The following MCTP1 variants were observed in gnomAD, a reference collection of about 807,000 sequenced individuals.
The protein encoded by MCTP1 is multiple C2 and transmembrane domain-containing protein 1.
A neutral mutation model predicts 120.6 loss-of-function variants in MCTP1; 69 were observed. That is an observed-to-expected ratio of 0.57 (90% CI 0.47 to 0.70). The LOEUF (loss-of-function observed/expected upper bound fraction) is 0.70, where lower values mean the gene tolerates loss of function less well. Ranked by LOEUF, MCTP1 falls within the 30% of genes least tolerant of loss-of-function variation. The pLI is 0.00. For missense variants in MCTP1, 1,203 were observed against 1,248.8 expected (o/e 0.96, Z 0.55); for synonymous variants, 529 against 493.1 (o/e 1.07, Z -0.96).
chr5:95,211,558 T>C (rs1036761769), intron 1 of MCTP1, among the ~76,000 whole-genome samples: 14 of 152,194 alleles, frequency 9.2e-5, no homozygotes, highest in Admixed American at 2.6e-4. Context: ...GTATTGGTTA[T>C]TCTAGTTATA....
intron 1 of MCTP1, among the ~76,000 whole-genome samples, chr5:95,191,959 C>T (rs1018460769): frequency 1.3e-5 from 2 of 151,854 alleles, no homozygotes; most frequent in South Asian, 2.1e-4. Context: ...TCTTCCTTAC[C>T]TCCCAATTGT....
chr5:94,913,152 A>G (rs552235511), intron 8 of MCTP1, among the ~76,000 whole-genome samples, 176 bp from the exon 9 acceptor site: 5 of 152,004 alleles, frequency 3.3e-5, no homozygotes, highest in African/African-American at 7.2e-5. Context: ...TAAATTATGA[A>G]ATTATCATTT....
At chr5:95,028,236 A>G (rs1301390629) in intron 1 of MCTP1, among the ~76,000 whole-genome samples, 1 of 152,220 alleles carries the variant, frequency 6.6e-6, no homozygotes, top group East Asian at 1.9e-4. Context: ...AGGTAGAAAC[A>G]AAACTGTCCC....
At chr5:95,085,629 T>C (rs1294690504) in intron 1 of MCTP1, among the ~76,000 whole-genome samples, 1 of 152,016 alleles carries the variant, frequency 6.6e-6, no homozygotes, top group Admixed American at 6.6e-5. Context: ...CGTGGGGTCA[T>C]ACGATATGCA....
chr5:95,242,364 G>T (rs1291081167), intron 1 of MCTP1, among the ~76,000 whole-genome samples: 2 of 151,992 alleles, frequency 1.3e-5, no homozygotes, highest in Non-Finnish European at 2.9e-5. Context: ...CTTTTTAAAG[G>T]TCACTTTTTG....
chr5:95,066,507 C>A (rs1286254343), intron 1 of MCTP1, among the ~76,000 whole-genome samples: 3 of 152,016 alleles, frequency 2.0e-5, no homozygotes, highest in Admixed American at 6.5e-5. Flanking sequence ...GGTATATATC[C>A]AAAGGAAATG....
At chr5:95,159,502 G>GC (rs1745484145) in intron 1 of MCTP1, among the ~76,000 whole-genome samples, 1 of 152,108 alleles carries the variant, frequency 6.6e-6, no homozygotes, top group African/African-American at 2.4e-5. Context: ...TTTGTGAAGT[G>GC]CCCATAATGC....
At chr5:95,119,034 G>A (rs1758015883) in intron 1 of MCTP1, among the ~76,000 whole-genome samples, 2 of 152,126 alleles carry the variant, frequency 1.3e-5, no homozygotes, top group African/African-American at 2.4e-5. Context: ...AGAACACATG[G>A]ACCTACCAGA....
chr5:95,006,249 A>T (rs760327346), intron 2 of MCTP1, among the ~76,000 whole-genome samples: 54 of 152,046 alleles, frequency 3.6e-4, no homozygotes, highest in Non-Finnish European at 6.8e-4. Context: ...GTATATACAC[A>T]CACATACACA....
At chr5:95,033,135 C>A (rs1463299238) in intron 1 of MCTP1, among the ~76,000 whole-genome samples, 1 of 151,838 alleles carries the variant, frequency 6.6e-6, no homozygotes, top group Non-Finnish European at 1.5e-5. Flanking sequence ...GCCCTCAATT[C>A]TACCAGATGC....
At chr5:95,252,514 A>G (rs1002972631) in intron 1 of MCTP1, among the ~76,000 whole-genome samples, 3 of 152,132 alleles carry the variant, frequency 2.0e-5, no homozygotes, top group Non-Finnish European at 4.4e-5. Flanking sequence ...TCTAAAGTAA[A>G]TGCTCTAAGA....
At position 94,779,131 on chromosome 5, in the gene MCTP1, T is replaced by C; in HGVS notation, c.2589A>G (p.Glu863=). ...VVEDMLEDEE[E]EDDKDDKDSE... ...TTACCTTGTCATCTTTGTCATCTTC[T>C]TCTTCCTCGTCCTCTAGCATGTCCT... Residue 863 remains glutamate (E), a synonymous_variant, in exon 19 of 23, where the codon GAA becomes GAG. Coordinates refer to ENST00000515393, the MANE Select transcript of MCTP1 (RefSeq NM_024717.7). The C allele has an allele frequency of 6.2e-7, 1 of 1,613,712 alleles. No individual in the cohort carries two copies. Among genetic ancestry groups the C allele is most frequent in the Non-Finnish European group, 8.5e-7 (1 of 1,179,700 alleles).
chr5:95,025,992 C>A (rs749937496), intron 1 of MCTP1, among the ~76,000 whole-genome samples: 14 of 152,120 alleles, frequency 9.2e-5, no homozygotes, highest in African/African-American at 3.1e-4. Context: ...CTTGGGAGGT[C>A]TTTTTATATA....
At chr5:95,176,917 T>C (rs1397227625) in intron 1 of MCTP1, among the ~76,000 whole-genome samples, 1 of 151,220 alleles carries the variant, frequency 6.6e-6, no homozygotes. Flanking sequence ...CAGGCTAGAG[T>C]GCAGTGGTGC....
intron 2 of MCTP1, among the ~76,000 whole-genome samples, chr5:94,972,941 A>G (rs369864643): frequency 3.9e-5 from 6 of 152,140 alleles, no homozygotes. Flanking sequence ...TGAACAAAAA[A>G]AAAACCACTG....
chr5:95,197,789 G>A (rs543295376), intron 1 of MCTP1, among the ~76,000 whole-genome samples: 11 of 152,104 alleles, frequency 7.2e-5, no homozygotes, highest in South Asian at 2.1e-4. Flanking sequence ...TGGTATCCAC[G>A]TGGGATTGGT....
chr5:95,107,182 A>C (rs1366251983), intron 1 of MCTP1, among the ~76,000 whole-genome samples: 1 of 152,244 alleles, frequency 6.6e-6, no homozygotes, highest in Non-Finnish European at 1.5e-5. Flanking sequence ...TATTTTAAAT[A>C]ATTTATTTTG....
At position 94,812,496 on chromosome 5, in the gene MCTP1, C is replaced by CAA. The variant is rs148545608; in HGVS notation, c.2437-13366_2437-13365dup. Among the ~76,000 whole-genome samples, 463 of 135,402 alleles carry CAA rather than the reference C, an allele frequency of 3.4e-3. 2 individuals carry two copies. The highest frequency in any genetic ancestry group is 0.011 in the African/African-American group (405 of 37,284). The allele number at this position is 135,402 out of a possible 152,430, so 88.8% of individuals were successfully genotyped here. ...CCAAAAAACTAAAACTAAAACAAAACAAAAAAAAAACCCTTCTACATGTCT... is the reference window on the plus strand; with the variant it reads ...CCAAAAAACTAAAACTAAAACAAAACAAAAAAAAAAAACCCTTCTACATGTCT... On this transcript the variant is annotated intron_variant, in intron 17 of 22. Coordinates refer to ENST00000515393, the MANE Select transcript of MCTP1 (RefSeq NM_024717.7).
intron 3 of MCTP1, among the ~76,000 whole-genome samples, chr5:94,948,523 C>T (rs1043406751): frequency 6.6e-6 from 1 of 152,042 alleles, no homozygotes; most frequent in Non-Finnish European, 1.5e-5. Flanking sequence ...GTTTTTGAAT[C>T]ATGTGAAACA....
Sources: allele counts gnomAD v4.1 joint callset (sites outside exome capture counted in the v4.1 genomes callset), GRCh38; gene constraint gnomAD v4.1.1; transcripts MANE v1.5; gene names NCBI Gene and HGNC (gene_info 2026-07-23, HGNC 2026-07-21).